The following SNX2 variants were observed in gnomAD, a reference collection of about 807,000 sequenced individuals.
SNX2 encodes sorting nexin-2.
A neutral mutation model predicts 69.9 loss-of-function variants in SNX2; 25 were observed. The observed-to-expected ratio is 0.36, with a 90% CI of 0.26 to 0.50. The LOEUF (loss-of-function observed/expected upper bound fraction) is 0.50. Ranked by LOEUF, SNX2 falls within the 20% of genes least tolerant of loss-of-function variation. The probability of loss-of-function intolerance (pLI) is 0.97; values close to 1 mark genes in which losing one functional copy is unlikely to be tolerated. For synonymous variants in SNX2, 229 were observed against 200.4 expected, an observed-to-expected ratio of 1.14 and a Z score of -1.20; for missense variants, 551 against 613.3, an observed-to-expected ratio of 0.90 and a Z score of 1.07.
intron 10 of SNX2, among the ~76,000 whole-genome samples, chr5:122,817,909 A>G (rs1753935937): frequency 6.6e-6 from 1 of 152,128 alleles, no homozygotes; most frequent in Non-Finnish European, 1.5e-5. Context: ...AGAAAATTTG[A>G]GTTGTAATAT....
At chr5:122,811,188 C>T (rs1753768141) in intron 7 of SNX2, among the ~76,000 whole-genome samples, 1 of 152,090 alleles carries the variant, frequency 6.6e-6, no homozygotes, top group African/African-American at 2.4e-5. Flanking sequence ...CAGATGACTA[C>T]CTTGAATGAA....
chr5:122,826,051 G>T lies in SNX2; in HGVS notation c.1214G>T (p.Gly405Val). The part of the protein sequence containing the change: ...DYIRLIAAVK[G>V]VFDHRMKCWQ... ...TAGCATTATGTCATTCACTTATAGG[G>T]TGTGTTTGACCATCGAATGAAGTGC... The change falls in exon 12 of 15, where the codon GGT becomes GTT. Residue 405 changes from glycine (G) to valine (V), a missense_variant and splice_region_variant. Physicochemically the swap from Gly to Val is moderately radical, Grantham distance 109 (BLOSUM62 -3). Coordinates refer to ENST00000379516, the MANE Select transcript of SNX2 (RefSeq NM_003100.4). 3.1e-6 allele frequency: 5 copies of T among 1,612,486 alleles called. No individual in the cohort carries two copies. Among genetic ancestry groups the T allele is most frequent in the South Asian group, 1.1e-5 (1 of 90,976 alleles).
chr5:122,804,904 A>G (rs1229528054), intron 6 of SNX2, among the ~76,000 whole-genome samples: 1 of 152,028 alleles, frequency 6.6e-6, no homozygotes, highest in African/African-American at 2.4e-5. Context: ...TGAAGTGAGC[A>G]CTACCATTAC....
chr5:122,812,876 T>C (rs2150012865), intron 7 of SNX2, among the ~76,000 whole-genome samples: 1 of 152,332 alleles, frequency 6.6e-6, no homozygotes, highest in African/African-American at 2.4e-5. Flanking sequence ...TGTGTTTTAG[T>C]TTCAAGCAAG....
intron 6 of SNX2, among the ~76,000 whole-genome samples, chr5:122,806,140 G>GCGCGCGCGCGCACA (rs1561461101): frequency 1.7e-4 from 5 of 30,246 alleles, no homozygotes; most frequent in East Asian, 4.3e-3. Flanking sequence ...ACACACGCGC[G>GCGCGCGCGCGCACA]CGCACACACA....
At chr5:122,798,808 T>C (rs1280189650) in intron 2 of SNX2, among the ~76,000 whole-genome samples, 1 of 152,212 alleles carries the variant, frequency 6.6e-6, no homozygotes, top group Admixed American at 6.5e-5. Context: ...TTTTGTAAAC[T>C]GTTCCTGATT....
intron 2 of SNX2, among the ~76,000 whole-genome samples, chr5:122,797,026 CA>C (rs1180369612): frequency 6.6e-6 from 1 of 152,190 alleles, no homozygotes; most frequent in East Asian, 1.9e-4. Context: ...CTCTTGGGCA[CA>C]AATAATTCTC....
chr5:122,826,234 A>G (rs371397879), intron 12 of SNX2, 41 bp downstream of exon 12: 1 of 1,567,684 alleles, frequency 6.4e-7, no homozygotes, highest in South Asian at 1.2e-5. Context: ...TAAGTTTTGC[A>G]TGAGTCATTC....
rs763142987 is a variant in SNX2 at position 122,801,940 on chromosome 5, G to A, written c.457+5G>A. On this transcript the variant is annotated splice_donor_5th_base_variant and intron_variant, in intron 4 of 14. Coordinates refer to ENST00000379516, the MANE Select transcript of SNX2 (RefSeq NM_003100.4). Reference sequence around the variant, plus strand: ...TATCAGATCCAGAAAAAGTTGGTGAGTCAATACTTATTATATTTTGTATTT... The same window carrying A: ...TATCAGATCCAGAAAAAGTTGGTGAATCAATACTTATTATATTTTGTATTT... 1 of 1,593,054 alleles carries A rather than the reference G, an allele frequency of 6.3e-7. No individual in the cohort carries two copies. The highest frequency in any genetic ancestry group is 1.7e-5 in the Admixed American group (1 of 59,306).
chr5:122,817,498 T>C (rs908199574), intron 10 of SNX2, 125 bp downstream of exon 10: 1 of 628,538 alleles, frequency 1.6e-6, no homozygotes, highest in Non-Finnish European at 2.5e-6. Context: ...TTTAAGACAA[T>C]GTTTTCTAGT....
intron 10 of SNX2, among the ~76,000 whole-genome samples, chr5:122,818,566 T>G (rs1316879491): frequency 6.6e-6 from 1 of 152,200 alleles, no homozygotes; most frequent in Non-Finnish European, 1.5e-5. Flanking sequence ...ATTTTTATAT[T>G]AAATGATTTA....
In SNX2 at chr5:122,833,745, A is replaced by G. The variant is rs1053550892; in HGVS notation, c.*4097A>G. 2.0e-5 allele frequency: 3 copies of G among 151,690 alleles called. No homozygotes were observed. Among genetic ancestry groups the G allele is most frequent in the African/African-American group, 4.8e-5 (2 of 41,384 alleles). 9.4% of individuals were successfully genotyped at this position (151,690 alleles called of 1,614,324 possible). A position where few individuals can be genotyped will look rare whatever the true frequency, so the allele number is the denominator to read the frequency against. On this transcript the variant is annotated 3_prime_UTR_variant, in exon 15 of 15. Coordinates refer to ENST00000379516, the MANE Select transcript of SNX2 (RefSeq NM_003100.4). ...GATACAATAAAGTTTTCCAAGTTTC[A>G]TTGTACACATGAAATGAGTTTACTG...
chr5:122,789,902 T>A (rs1753189917), intron 1 of SNX2, among the ~76,000 whole-genome samples: 1 of 152,266 alleles, frequency 6.6e-6, no homozygotes, highest in Non-Finnish European at 1.5e-5. Context: ...GCTTTAGTTA[T>A]AATCAGAGAG....
chr5:122,812,279 G>A (rs1040806162), intron 7 of SNX2, among the ~76,000 whole-genome samples: 5 of 152,068 alleles, frequency 3.3e-5, no homozygotes, highest in East Asian at 1.9e-4. Context: ...TGACCTGCAC[G>A]CCTCACTCTG....
At chr5:122,775,259 C>T in intron 1 of SNX2, 48 bp downstream of exon 1, 10 of 1,514,348 alleles carry the variant, frequency 6.6e-6, no homozygotes, top group Non-Finnish European at 8.9e-6. Context: ...TGCCGCGCGT[C>T]TCACCTTTCC....
At chr5:122,816,141 C>A (rs1459566093) in intron 8 of SNX2, among the ~76,000 whole-genome samples, 170 bp downstream of exon 8, 7 of 152,056 alleles carry the variant, frequency 4.6e-5, no homozygotes, top group Admixed American at 4.6e-4. Context: ...AGCAAAATAT[C>A]TTTGCTTTGA....
At chr5:122,807,950 C>T (rs1422347841) in intron 6 of SNX2, among the ~76,000 whole-genome samples, 2 of 152,090 alleles carry the variant, frequency 1.3e-5, no homozygotes, top group Non-Finnish European at 2.9e-5. Flanking sequence ...GGGTTAGAAA[C>T]ACATTTTAAT....
chr5:122,821,125 ATTC>A (rs1186534877), intron 11 of SNX2, among the ~76,000 whole-genome samples: 14 of 152,160 alleles, frequency 9.2e-5, no homozygotes, highest in Non-Finnish European at 1.5e-4. Context: ...TTTTTGTCCT[ATTC>A]TTTATTTTAA....
rs190575217 is a variant in SNX2, at chr5:122,800,796, T to C, written c.390+941T>C. On this transcript the variant is annotated intron_variant, in intron 3 of 14. Coordinates refer to ENST00000379516, the MANE Select transcript of SNX2 (RefSeq NM_003100.4). The stretch of plus-strand genomic sequence containing the variant: ...ATAAAACAATTATGGTTCAAAACAC[T>C]TTGCATTTAGATAGTGTTAGACTAT... Among the ~76,000 whole-genome samples the C allele has an allele frequency of 4.6e-3, 588 of 127,990 alleles. 3 individuals carry two copies. Among genetic ancestry groups the C allele is most frequent in the Middle Eastern group, 0.015 (4 of 272 alleles). 84.0% of individuals were successfully genotyped at this position (127,990 alleles called of 152,430 possible).
Sources: allele counts gnomAD v4.1 joint callset (sites outside exome capture counted in the v4.1 genomes callset), GRCh38; gene constraint gnomAD v4.1.1; transcripts MANE v1.5; gene names NCBI Gene and HGNC (gene_info 2026-07-23, HGNC 2026-07-21).